The following ATP8B4 variants were observed in gnomAD, a reference collection of about 807,000 sequenced individuals.
ATP8B4 encodes the protein ATPase phospholipid transporting 8B4 (putative), also known as probable phospholipid-transporting ATPase IM.
ATP8B4 carries 133 observed loss-of-function variants against 145.6 expected under a neutral mutation model. That is an observed-to-expected ratio of 0.91 (90% confidence interval 0.79 to 1.05). The LOEUF is 1.05. Ranked by LOEUF, ATP8B4 falls within the 50% of genes least tolerant of loss-of-function variation. The pLI is 0.00. For synonymous variants in ATP8B4, 507 were observed against 492.9 expected (o/e 1.03, Z -0.38); for missense variants, 1,458 against 1,425.2 (o/e 1.02, Z -0.37).
intron 1 of ATP8B4, among the ~76,000 whole-genome samples, chr15:50,157,219 TC>T (rs1361261499): frequency 6.6e-6 from 1 of 152,106 alleles, no homozygotes; most frequent in East Asian, 1.9e-4. Context: ...TTTTTTACCA[TC>T]CCAAGAGGAA....
intron 20 of ATP8B4, among the ~76,000 whole-genome samples, chr15:49,908,267 A>G: frequency 6.6e-6 from 1 of 152,210 alleles, no homozygotes; most frequent in South Asian, 2.1e-4. Flanking sequence ...GTCCTTCAAG[A>G]TGTACGACTA....
At chr15:49,933,691 T>C (rs1012948619) in intron 15 of ATP8B4, among the ~76,000 whole-genome samples, 8 of 152,206 alleles carry the variant, frequency 5.3e-5, no homozygotes, top group African/African-American at 1.9e-4. Context: ...CCCAGAAGCT[T>C]ACAGTCAAAT....
chr15:50,074,193 G>C lies in ATP8B4; in HGVS notation c.29-8C>G. The C allele has an allele frequency of 1.2e-6, 2 of 1,607,138 alleles. No individual in the cohort carries two copies. The highest frequency in any genetic ancestry group is 1.7e-6 in the Non-Finnish European group (2 of 1,175,886). Reference sequence around the variant, plus strand: ...TCACTATCCGTTCCACTTCTAAAGAGAGAGAAATCAAGTATGAAATTAAAT... The same window carrying C: ...TCACTATCCGTTCCACTTCTAAAGACAGAGAAATCAAGTATGAAATTAAAT... On this transcript the variant is annotated splice_polypyrimidine_tract_variant and splice_region_variant and intron_variant, in intron 2 of 27. Transcript: ENST00000284509.
At position 50,089,242 on chromosome 15, in the gene ATP8B4, C is replaced by G. The variant is rs1600307816; in HGVS notation, c.29-15057G>C. Among the ~76,000 whole-genome samples, 4 of 152,114 alleles carry G rather than the reference C, an allele frequency of 2.6e-5. No homozygotes were observed. In the South Asian group the frequency reaches 8.3e-4, roughly 31 times the overall value. ...GGCAAAGATTTCATGACAAAAATATCAAAAGCAATTGCAACAAAAGTAAAA... is the reference window on the plus strand; with the variant it reads ...GGCAAAGATTTCATGACAAAAATATGAAAAGCAATTGCAACAAAAGTAAAA... On this transcript the variant is annotated intron_variant, in intron 2 of 27. Transcript: ENST00000284509.
chr15:50,102,445 A>T (rs2056422249), intron 2 of ATP8B4, among the ~76,000 whole-genome samples: 1 of 152,166 alleles, frequency 6.6e-6, no homozygotes, highest in Non-Finnish European at 1.5e-5. Context: ...ACAAAAGATC[A>T]TTCAAGGCCA....
chr15:50,123,167 A>G (rs775654631), upstream of ATP8B4, among the ~76,000 whole-genome samples: 15 of 152,142 alleles, frequency 9.9e-5, no homozygotes, highest in Middle Eastern at 3.2e-3. Context: ...CTTTGCAAAA[A>G]TTATAACAGT....
chr15:50,069,919 T>G lies in ATP8B4; in HGVS notation c.87+4208A>C, dbSNP rs189871834. Reference sequence around the variant, plus strand: ...TACGTTCAAAGCACCTGGTACACAGTTGGGTTCAAGCTGTATGGATATGAG... The same window carrying G: ...TACGTTCAAAGCACCTGGTACACAGGTGGGTTCAAGCTGTATGGATATGAG... On this transcript the variant is annotated intron_variant, in intron 3 of 27. Transcript: ENST00000284509. Among the ~76,000 whole-genome samples the G allele has an allele frequency of 2.0e-5, 3 of 152,166 alleles. No homozygotes were observed. In the South Asian group the frequency reaches 6.2e-4, roughly 31 times the overall value.
intron 14 of ATP8B4, among the ~76,000 whole-genome samples, chr15:49,935,937 A>G (rs940564537): frequency 6.6e-6 from 1 of 152,172 alleles, no homozygotes; most frequent in Non-Finnish European, 1.5e-5. Context: ...CTAACTGGTA[A>G]GATGACGTTA....
chr15:49,923,577 A>G (rs2040452642), intron 16 of ATP8B4, 83 bp from the exon 17 acceptor site: 1 of 909,816 alleles, frequency 1.1e-6, no homozygotes, highest in Non-Finnish European at 1.7e-6. Context: ...CCAGCCTGGC[A>G]ATTTGGAAAT....
At chr15:49,980,413 A>ACCC (rs2046054254) in intron 11 of ATP8B4, among the ~76,000 whole-genome samples, 1 of 152,166 alleles carries the variant, frequency 6.6e-6, no homozygotes, top group Non-Finnish European at 1.5e-5. Flanking sequence ...TTCGAACTTT[A>ACCC]CCCCTATATA....
At chr15:50,107,052 A>C in intron 1 of ATP8B4, 44 bp from the exon 2 acceptor site, 1 of 1,294,114 alleles carries the variant, frequency 7.7e-7, no homozygotes, top group Non-Finnish European at 1.1e-6. Flanking sequence ...AAAATGCACA[A>C]TAACTATAAA....
chr15:50,015,110 T>C (rs1221161811), intron 6 of ATP8B4, among the ~76,000 whole-genome samples: 3 of 152,210 alleles, frequency 2.0e-5, no homozygotes, highest in African/African-American at 7.2e-5. Context: ...TGTGCTAATA[T>C]GAAATATGCT....
At chr15:50,146,947 G>C (rs886121746) in intron 1 of ATP8B4, among the ~76,000 whole-genome samples, 1 of 151,918 alleles carries the variant, frequency 6.6e-6, no homozygotes, top group Non-Finnish European at 1.5e-5. Context: ...CAAGCCAGTT[G>C]GAGTTTTTCC....
intron 1 of ATP8B4, among the ~76,000 whole-genome samples, chr15:50,148,873 CTTGTT>C (rs1415198322): frequency 3.3e-5 from 5 of 152,232 alleles, no homozygotes; most frequent in South Asian, 2.1e-4. Flanking sequence ...ACAAAATTCT[CTTGTT>C]TTAAGTGATA....
intron 17 of ATP8B4, among the ~76,000 whole-genome samples, 175 bp from the exon 18 acceptor site, chr15:49,920,585 T>C (rs1249588029): frequency 6.6e-6 from 1 of 152,234 alleles, no homozygotes; most frequent in Non-Finnish European, 1.5e-5. Flanking sequence ...AGATAATGTG[T>C]GTGTTTTCCG....
At chr15:49,919,708 C>T (rs547766070) in intron 18 of ATP8B4, among the ~76,000 whole-genome samples, 217 of 152,270 alleles carry the variant, frequency 1.4e-3, no homozygotes, top group African/African-American at 5.1e-3. Flanking sequence ...TGAGCCACCG[C>T]GCCCGGCCAC....
chr15:49,980,838 G>A (rs531914901), intron 11 of ATP8B4, among the ~76,000 whole-genome samples: 30 of 152,182 alleles, frequency 2.0e-4, no homozygotes, highest in African/African-American at 2.9e-4. Flanking sequence ...TCACACACCC[G>A]TGAAGCCAGC....
At chr15:49,911,050 T>C (rs1197834662) in intron 20 of ATP8B4, among the ~76,000 whole-genome samples, 2 of 151,766 alleles carry the variant, frequency 1.3e-5, no homozygotes, top group Non-Finnish European at 2.9e-5. Flanking sequence ...CACAAAAATA[T>C]ATAATAAAAA....
intron 1 of ATP8B4, among the ~76,000 whole-genome samples, chr15:50,112,514 T>C (rs1022872933): frequency 2.6e-5 from 4 of 152,066 alleles, no homozygotes; most frequent in African/African-American, 9.7e-5. Context: ...TCTCCTTCTA[T>C]GCTCCTTTCT....
Sources: gnomAD v4.1 joint callset for allele counts (sites outside exome capture counted in the v4.1 genomes callset) on GRCh38, gnomAD v4.1.1 for gene constraint, MANE v1.5 for transcripts, NCBI Gene and HGNC (gene_info 2026-07-23, HGNC 2026-07-21) for gene names.